Variants in CDK19 observed in about 807,000 individuals in gnomAD.
CDK19 encodes the protein cyclin-dependent kinase 19.
CDK19 carries 20 observed loss-of-function variants against 68.3 expected under a neutral mutation model. The observed-to-expected ratio is 0.29, with a 90% CI of 0.21 to 0.43. The LOEUF (loss-of-function observed/expected upper bound fraction) is 0.43, where lower values mean the gene tolerates loss of function less well. CDK19 is among the 20% of genes least tolerant of loss of function. The probability of loss-of-function intolerance (pLI) is 1.00; values close to 1 mark genes in which losing one functional copy is unlikely to be tolerated. For synonymous variants in CDK19, 221 were observed against 222.8 expected (o/e 0.99, Z 0.07); for missense variants, 339 against 623.5 (o/e 0.54, Z 4.86).
At chr6:110,637,484 G>C (rs1779853922) in intron 5 of CDK19, among the ~76,000 whole-genome samples, 1 of 152,198 alleles carries the variant, frequency 6.6e-6, no homozygotes, top group Non-Finnish European at 1.5e-5. Flanking sequence ...CTGGGCTAGG[G>C]AGTTAACTGA....
At chr6:110,750,132 A>C (rs1330897084) in intron 1 of CDK19, among the ~76,000 whole-genome samples, 1 of 145,838 alleles carries the variant, frequency 6.9e-6, no homozygotes, top group South Asian at 2.4e-4. Context: ...TGGAAACCTA[A>C]GATTTTATCC....
At chr6:110,680,607 T>C (rs1771927551) in intron 2 of CDK19, among the ~76,000 whole-genome samples, 1 of 152,154 alleles carries the variant, frequency 6.6e-6, no homozygotes, top group East Asian at 1.9e-4. Flanking sequence ...AACTGATAAG[T>C]AAATTATGGT....
intron 1 of CDK19, among the ~76,000 whole-genome samples, chr6:110,792,597 G>A (rs1053836942): frequency 4.6e-5 from 7 of 152,232 alleles, no homozygotes; most frequent in Middle Eastern, 3.4e-3. Flanking sequence ...TAGTAGAGAC[G>A]GGGTTTTGCC....
chr6:110,803,051 G>T (rs142600778), intron 1 of CDK19, among the ~76,000 whole-genome samples: 2 of 152,046 alleles, frequency 1.3e-5, no homozygotes, highest in South Asian at 4.1e-4. Flanking sequence ...GACAGCCTCC[G>T]GCACAGACAG....
chr6:110,639,898 C>T (rs1780022630), intron 4 of CDK19, among the ~76,000 whole-genome samples: 1 of 151,968 alleles, frequency 6.6e-6, no homozygotes, highest in Admixed American at 6.6e-5. Context: ...AAGGATATGA[C>T]CAGGTATGCA....
rs146231270 is a variant in CDK19, at chr6:110,686,488, C to T, written c.205-15947G>A. On this transcript the variant is annotated intron_variant, in intron 2 of 12. Transcript: ENST00000368911. The stretch of plus-strand genomic sequence containing the variant: ...ATTCTAAATTTGCTATGGCAGATTT[C>T]CATCACTACATGATAGGGTGTATCT... Among the ~76,000 whole-genome samples, 210 of 152,286 alleles carry T rather than the reference C, an allele frequency of 1.4e-3. 1 individual carries two copies. The highest frequency in any genetic ancestry group is 4.9e-3 in the African/African-American group (202 of 41,560).
chr6:110,760,510 T>C (rs1279888933), intron 1 of CDK19, among the ~76,000 whole-genome samples: 2 of 151,588 alleles, frequency 1.3e-5, no homozygotes, highest in African/African-American at 4.9e-5. Flanking sequence ...GGAGGATTAC[T>C]TGAGCCCAAG....
chr6:110,745,044 T>C (rs1777975957), intron 2 of CDK19, among the ~76,000 whole-genome samples: 1 of 152,220 alleles, frequency 6.6e-6, no homozygotes, highest in Non-Finnish European at 1.5e-5. Context: ...TTTAAATAAA[T>C]TTCTAACAAT....
At chr6:110,783,842 A>G (rs1780996071) in intron 1 of CDK19, among the ~76,000 whole-genome samples, 1 of 152,092 alleles carries the variant, frequency 6.6e-6, no homozygotes, top group African/African-American at 2.4e-5. Context: ...GAATCACAAA[A>G]TCAAAGAAGT....
intron 1 of CDK19, among the ~76,000 whole-genome samples, chr6:110,768,048 G>T (rs1053498564): frequency 2.6e-5 from 4 of 151,932 alleles, no homozygotes; most frequent in Admixed American, 6.6e-5. Flanking sequence ...AAAATAAAAA[G>T]AAAAAGAAAA....
chr6:110,669,829 C>T (rs994857890), intron 3 of CDK19, among the ~76,000 whole-genome samples: 1 of 152,146 alleles, frequency 6.6e-6, no homozygotes, highest in Non-Finnish European at 1.5e-5. Context: ...CTTCACTATA[C>T]ATATTAGTAA....
At position 110,705,773 on chromosome 6, in the gene CDK19, A is replaced by C. The variant is rs543339321; in HGVS notation, c.205-35232T>G. Among the ~76,000 whole-genome samples the C allele has an allele frequency of 3.3e-5, 5 of 152,298 alleles. No individual in the cohort carries two copies. In the South Asian group the frequency reaches 1.0e-3, roughly 32 times the overall value. On this transcript the variant is annotated intron_variant, in intron 2 of 12. Transcript: ENST00000368911. ...CACAGGAACAGAAACCAAATGCCAC[A>C]TGTTCCCACTCATAAGTGAGAGTTG...
intron 1 of CDK19, among the ~76,000 whole-genome samples, chr6:110,789,496 C>A (rs977321749): frequency 1.3e-5 from 2 of 152,282 alleles, no homozygotes; most frequent in Non-Finnish European, 2.9e-5. Context: ...CCAGGATGGT[C>A]TCAATCTCTT....
At chr6:110,729,893 C>T (rs1422053200) in intron 2 of CDK19, among the ~76,000 whole-genome samples, 1 of 152,086 alleles carries the variant, frequency 6.6e-6, no homozygotes, top group Non-Finnish European at 1.5e-5. Flanking sequence ...TACAGGAGCA[C>T]AATACTGTAC....
Position 110,815,433 on chromosome 6 carries a change from G to C in CDK19, c.-297C>G. The stretch of plus-strand genomic sequence containing the variant: ...TCCTTGTTTTGGAACCTGGTGGGCC[G>C]CGCCGTGGCTTCCTCGAGCTCATTA... On this transcript the variant is annotated 5_prime_UTR_variant, in exon 1 of 13. Coordinates refer to ENST00000368911, the MANE Select transcript of CDK19 (RefSeq NM_015076.5). 3.8e-6 allele frequency: 1 copy of C among 264,448 alleles called. No individual in the cohort carries two copies. The highest frequency in any genetic ancestry group is 7.7e-5 in the East Asian group (1 of 12,958). 16.4% of individuals were successfully genotyped at this position (264,448 alleles called of 1,614,324 possible). A position where few individuals can be genotyped will look rare whatever the true frequency, so the allele number is the denominator to read the frequency against.
chr6:110,695,448 A>G (rs911564355), intron 2 of CDK19, among the ~76,000 whole-genome samples: 1 of 152,228 alleles, frequency 6.6e-6, no homozygotes, highest in African/African-American at 2.4e-5. Flanking sequence ...AAGGAGCTAG[A>G]GAAACAAGGA....
chr6:110,801,923 T>C (rs143352034), intron 1 of CDK19, among the ~76,000 whole-genome samples: 1 of 152,226 alleles, frequency 6.6e-6, no homozygotes, highest in East Asian at 1.9e-4. Context: ...CGAAAAAACA[T>C]GGGAGAAAAC....
intron 4 of CDK19, among the ~76,000 whole-genome samples, chr6:110,648,929 G>A (rs973230419): frequency 1.3e-4 from 20 of 151,986 alleles, no homozygotes; most frequent in African/African-American, 4.6e-4. Flanking sequence ...ATGTTGGTCA[G>A]GCTGGTCTCG....
At chr6:110,803,149 G>A (rs1419387433) in intron 1 of CDK19, among the ~76,000 whole-genome samples, 3 of 151,848 alleles carry the variant, frequency 2.0e-5, no homozygotes, top group East Asian at 1.9e-4. Context: ...GTGCCATCTC[G>A]GCTCACTGCA....
Sources: gnomAD v4.1 joint callset for allele counts (sites outside exome capture counted in the v4.1 genomes callset) on GRCh38, gnomAD v4.1.1 for gene constraint, MANE v1.5 for transcripts, NCBI Gene and HGNC (gene_info 2026-07-23, HGNC 2026-07-21) for gene names.